Variants in RBFOX3 observed in about 807,000 individuals in gnomAD.
The protein encoded by RBFOX3 is RNA binding fox-1 homolog 3.
Under a neutral mutation model 48.7 loss-of-function variants are expected in RBFOX3, and 17 were observed. The observed-to-expected ratio is 0.35, with a 90% CI of 0.24 to 0.52. The LOEUF (loss-of-function observed/expected upper bound fraction) is 0.52, where lower values mean the gene tolerates loss of function less well. Among genes scored for constraint, RBFOX3 ranks in the 20% least tolerant of loss-of-function variants. The pLI is 0.94. For missense variants in RBFOX3, 382 were observed against 497.5 expected (o/e 0.77, Z 2.21); for synonymous variants, 212 against 209.5 (o/e 1.01, Z -0.10).
At chr17:79,226,822 C>T (rs2060361625) in intron 4 of RBFOX3, among the ~76,000 whole-genome samples, 1 of 152,168 alleles carries the variant, frequency 6.6e-6, no homozygotes, top group Admixed American at 6.5e-5. Flanking sequence ...TGGGCATTTG[C>T]AGGTATGTGA....
chr17:79,244,721 T>C (rs58990235), intron 3 of RBFOX3, among the ~76,000 whole-genome samples: 1 of 118,706 alleles, frequency 8.4e-6, no homozygotes, highest in African/African-American at 2.9e-5. Flanking sequence ...CCCTTTTCTT[T>C]CCTCTTTCTT....
At chr17:79,091,541 G>C (rs192972595) in intron 14 of RBFOX3, among the ~76,000 whole-genome samples, 235 of 152,344 alleles carry the variant, frequency 1.5e-3, no homozygotes, top group African/African-American at 5.4e-3. Context: ...GCTGAGGAAG[G>C]AGTGGCCCGC....
chr17:79,470,387 G>A (rs568543441), intron 2 of RBFOX3, among the ~76,000 whole-genome samples: 15 of 152,308 alleles, frequency 9.8e-5, no homozygotes, highest in African/African-American at 3.6e-4. Flanking sequence ...AGGGCTGGAC[G>A]GAGGGCTGTC....
intron 4 of RBFOX3, among the ~76,000 whole-genome samples, chr17:79,172,173 CAAAAAAAAAAAA>C (rs977301314): frequency 1.7e-4 from 9 of 52,486 alleles, no homozygotes; most frequent in Admixed American, 8.9e-4. Context: ...GAGTCCGTCT[CAAAAAAAAAAAA>C]AAAAAAAAAG....
chr17:79,432,986 A>G (rs2068742841), intron 2 of RBFOX3, among the ~76,000 whole-genome samples: 1 of 152,120 alleles, frequency 6.6e-6, no homozygotes, highest in Non-Finnish European at 1.5e-5. Context: ...CCCCTACCCC[A>G]GCATTAATTA....
chr17:79,497,990 G>A (rs1420709340), intron 1 of RBFOX3, among the ~76,000 whole-genome samples: 2 of 152,226 alleles, frequency 1.3e-5, no homozygotes, highest in African/African-American at 4.8e-5. Flanking sequence ...GCTCCAGAAG[G>A]TTATGGTGGG....
chr17:79,327,795 A>C (rs1430183056), intron 2 of RBFOX3, among the ~76,000 whole-genome samples: 1 of 152,168 alleles, frequency 6.6e-6, no homozygotes, highest in African/African-American at 2.4e-5. Context: ...TCCTGGGTTC[A>C]AGCGATTCTC....
chr17:79,634,786 G>A, the RBFOX3 span, among the ~76,000 whole-genome samples: 1 of 152,158 alleles, frequency 6.6e-6, no homozygotes, highest in Admixed American at 6.5e-5. Flanking sequence ...AAACTGGGGA[G>A]CAATGGCTCA....
rs138734294 is a variant in RBFOX3 at position 79,202,069 on chromosome 17, A to G, written c.-34+33697T>C. Among the ~76,000 whole-genome samples, 587 of 152,182 alleles carry G rather than the reference A, an allele frequency of 3.9e-3. 4 individuals carry two copies. The highest frequency in any genetic ancestry group is 0.014 in the African/African-American group (566 of 41,506). Reference sequence around the variant, plus strand: ...TATCTCTGGAATCTCAGCAGTCATTACCAGGAGAATGACCTCGGTCCCCTG... The same window carrying G: ...TATCTCTGGAATCTCAGCAGTCATTGCCAGGAGAATGACCTCGGTCCCCTG... On this transcript the variant is annotated intron_variant, in intron 4 of 14. Transcript: ENST00000693108.
chr17:79,092,048 C>T, intron 14 of RBFOX3: 1 of 985,476 alleles, frequency 1.0e-6, no homozygotes, highest in Non-Finnish European at 1.2e-6. Context: ...CCTGCGGGAG[C>T]ACCCTCAGGC....
At chr17:79,545,437 C>A (rs553680730) in intron 1 of RBFOX3, among the ~76,000 whole-genome samples, 1 of 152,326 alleles carries the variant, frequency 6.6e-6, no homozygotes, top group East Asian at 1.9e-4. Context: ...CCACCGGCGA[C>A]CACCCCATGC....
Position 79,540,139 on chromosome 17 carries a change from G to A in RBFOX3, c.-319-57541C>T, listed in dbSNP as rs1382609708. Among the ~76,000 whole-genome samples the A allele has an allele frequency of 2.0e-5, 3 of 152,162 alleles. No homozygotes were observed. The East Asian group carries it at 5.8e-4, about 29-fold the overall frequency. ...TATTTCTTTCTCCCGGTAATCACAC[G>A]CATGCACACACACTCACAGGTGCTG... On this transcript the variant is annotated intron_variant, in intron 1 of 14. Coordinates refer to ENST00000693108, the MANE Select transcript of RBFOX3 (RefSeq NM_001350451.2).
chr17:79,161,882 C>T (rs972997045), intron 4 of RBFOX3, among the ~76,000 whole-genome samples: 3 of 152,204 alleles, frequency 2.0e-5, no homozygotes, highest in South Asian at 2.1e-4. Flanking sequence ...TATGAGCCAC[C>T]GTGCCTGGCC....
intron 3 of RBFOX3, among the ~76,000 whole-genome samples, chr17:79,273,693 A>G (rs57080763): frequency 0.034 from 5,210 of 152,232 alleles, 286 homozygotes; most frequent in African/African-American, 0.12. Flanking sequence ...GCTCAGCCCC[A>G]TTGGCAGTGA....
At chr17:79,273,448 T>C (rs2068098037) in intron 3 of RBFOX3, among the ~76,000 whole-genome samples, 1 of 151,562 alleles carries the variant, frequency 6.6e-6, no homozygotes, top group South Asian at 2.1e-4. Flanking sequence ...GTCAGGTTGT[T>C]GGAGGAGGTG....
chr17:79,583,813 G>A (rs1283631576), intron 1 of RBFOX3, among the ~76,000 whole-genome samples: 1 of 152,214 alleles, frequency 6.6e-6, no homozygotes, highest in Non-Finnish European at 1.5e-5. Flanking sequence ...GTGAACCCAG[G>A]CAGGAGGCCG....
intron 4 of RBFOX3, among the ~76,000 whole-genome samples, chr17:79,144,758 C>T (rs55635259): frequency 0.22 from 34,060 of 152,128 alleles, 4,017 homozygotes; most frequent in Middle Eastern, 0.29. Context: ...GGACTAGGTG[C>T]CCCCCACTCG....
At chr17:79,097,102 C>T (rs1169971222) in intron 11 of RBFOX3, among the ~76,000 whole-genome samples, 190 bp downstream of exon 11, 1 of 152,072 alleles carries the variant, frequency 6.6e-6, no homozygotes, top group Non-Finnish European at 1.5e-5. Flanking sequence ...CCGCGATGCC[C>T]GCCGTGGTGG....
At chr17:79,379,262 G>A (rs571091043) in intron 2 of RBFOX3, among the ~76,000 whole-genome samples, 26 of 152,230 alleles carry the variant, frequency 1.7e-4, no homozygotes, top group African/African-American at 5.3e-4. Flanking sequence ...GGATGGGCCC[G>A]CACATTGTGG....
Sources: gnomAD v4.1 joint callset for allele counts (sites outside exome capture counted in the v4.1 genomes callset) on GRCh38, gnomAD v4.1.1 for gene constraint, MANE v1.5 for transcripts, NCBI Gene and HGNC (gene_info 2026-07-23, HGNC 2026-07-21) for gene names.